Variants in ABCG2 observed in about 807,000 individuals in gnomAD.
ABCG2 encodes the protein broad substrate specificity ATP-binding cassette transporter ABCG2.
In ABCG2, 80 loss-of-function variants were observed where a neutral mutation model predicts 73.5. That is an observed-to-expected ratio of 1.09 (90% CI 0.91 to 1.31). ABCG2 has a LOEUF of 1.31. Ranked by LOEUF, ABCG2 falls within the 50% of genes most tolerant of loss-of-function variation. The pLI is 0.00. For missense variants in ABCG2, 796 were observed against 786.2 expected (o/e 1.01, Z -0.15); for synonymous variants, 269 against 282.4 (o/e 0.95, Z 0.48).
intron 7 of ABCG2, 66 bp downstream of exon 7, chr4:88,118,043 C>A: frequency 2.0e-6 from 3 of 1,501,412 alleles, no homozygotes; most frequent in Non-Finnish European, 2.7e-6. Context: ...CTCCTGCAGA[C>A]CCCCTTTGCT....
Position 88,126,881 on chromosome 4 carries a change from C to G in ABCG2, c.531+4180G>C, listed in dbSNP as rs146997590. 7.2e-3 allele frequency among the ~76,000 whole-genome samples: 1,098 copies of G among 152,266 alleles called. 6 individuals carry two copies. The highest frequency in any genetic ancestry group is 0.012 in the Non-Finnish European group (828 of 68,010). On this transcript the variant is annotated intron_variant, in intron 5 of 15. Coordinates refer to ENST00000237612, the MANE Select transcript of ABCG2 (RefSeq NM_004827.3). ...AAAACCGGCACAAGACAAGGACGCA[C>G]TCTCTCACCACTCCTATTCAACATA...
chr4:88,150,918 T>C (rs1418575422), intron 1 of ABCG2, among the ~76,000 whole-genome samples: 1 of 152,184 alleles, frequency 6.6e-6, no homozygotes, highest in Non-Finnish European at 1.5e-5. Context: ...CTATTATCTG[T>C]GCATGTTCTG....
intron 8 of ABCG2, among the ~76,000 whole-genome samples, chr4:88,114,642 A>G (rs1723399800): frequency 6.6e-6 from 1 of 152,074 alleles, no homozygotes; most frequent in African/African-American, 2.4e-5. Flanking sequence ...AAAAAAAAAA[A>G]AATCTGGTTG....
intron 1 of ABCG2, among the ~76,000 whole-genome samples, chr4:88,230,256 A>T (rs1361939405): frequency 3.7e-5 from 5 of 136,900 alleles, no homozygotes; most frequent in African/African-American, 5.6e-5. Flanking sequence ...GTCTCCCAAA[A>T]TGCTGGGATT....
intron 5 of ABCG2, among the ~76,000 whole-genome samples, chr4:88,124,679 A>G (rs1021157784): frequency 5.3e-5 from 8 of 152,230 alleles, no homozygotes; most frequent in Non-Finnish European, 1.0e-4. Context: ...TTAGAGACCT[A>G]CAAGGAGACT....
chr4:88,094,775 T>A (rs954665336), intron 14 of ABCG2, 116 bp from the exon 15 acceptor site: 6 of 806,602 alleles, frequency 7.4e-6, no homozygotes, highest in Non-Finnish European at 1.2e-5. Flanking sequence ...TCTAAAAACA[T>A]ATTCACAGTC....
intron 5 of ABCG2, among the ~76,000 whole-genome samples, chr4:88,123,030 C>T (rs1480484337): frequency 3.3e-5 from 5 of 152,206 alleles, no homozygotes; most frequent in Non-Finnish European, 5.9e-5. Flanking sequence ...GATACCCAGG[C>T]AAACAGGGTC....
chr4:88,122,278 TC>T (rs1259191722), intron 5 of ABCG2, among the ~76,000 whole-genome samples: 1 of 152,050 alleles, frequency 6.6e-6, no homozygotes, highest in African/African-American at 2.4e-5. Flanking sequence ...AGTTTTTTTT[TC>T]ATACCCCAGT....
At chr4:88,177,225 A>T (rs1175942135) in intron 1 of ABCG2, among the ~76,000 whole-genome samples, 2 of 146,902 alleles carry the variant, frequency 1.4e-5, no homozygotes, top group African/African-American at 5.2e-5. Flanking sequence ...ACAAAAAAAA[A>T]TTAGCCAGCA....
At chr4:88,115,284 A>ATATT (rs58774529) in intron 7 of ABCG2, among the ~76,000 whole-genome samples, 3,054 of 72,402 alleles carry the variant, frequency 0.042, 280 homozygotes, top group East Asian at 0.064. Context: ...ATATATATAT[A>ATATT]ATTTATTTAT....
intron 1 of ABCG2, among the ~76,000 whole-genome samples, chr4:88,185,014 C>A (rs1410988583): frequency 2.0e-5 from 3 of 152,134 alleles, no homozygotes; most frequent in Non-Finnish European, 4.4e-5. Context: ...TGAATCTAGA[C>A]CCCTATCTCT....
At chr4:88,199,348 C>T (rs1729062133) in intron 1 of ABCG2, among the ~76,000 whole-genome samples, 1 of 152,054 alleles carries the variant, frequency 6.6e-6, no homozygotes, top group Admixed American at 6.6e-5. Context: ...ATTCAGGAAA[C>T]TCGAAGAATA....
chr4:88,156,390 A>G (rs866546783), intron 1 of ABCG2, among the ~76,000 whole-genome samples: 1 of 151,546 alleles, frequency 6.6e-6, no homozygotes, highest in African/African-American at 2.4e-5. Context: ...AAAAAAAAAA[A>G]AAGAAGGAAA....
chr4:88,230,307 AT>A lies in ABCG2; in HGVS notation c.-20+686del, dbSNP rs70959615. ...CCGCACCTGTTATATATATATATAT[AT>A]TTTTTTTTTTGGCCACATATATATA... On this transcript the variant is annotated intron_variant, in intron 1 of 15. Coordinates refer to the ABCG2 transcript ENST00000515655. Among the ~76,000 whole-genome samples the A allele has an allele frequency of 2.7e-3, 139 of 51,344 alleles. 10 individuals are homozygous for A. The East Asian group carries it at 0.044, about 16-fold the overall frequency. 33.7% of individuals were successfully genotyped at this position (51,344 alleles called of 152,430 possible). A position where few individuals can be genotyped will look rare whatever the true frequency, so the allele number is the denominator to read the frequency against.
Position 88,131,227 on chromosome 4 carries a change from G to A in ABCG2, c.379-14C>T, listed in dbSNP as rs1487682597. The A allele has an allele frequency of 6.2e-7, 1 of 1,612,566 alleles. No individual in the cohort carries two copies. The highest frequency in any genetic ancestry group is 8.5e-7 in the Non-Finnish European group (1 of 1,179,146). On this transcript the variant is annotated splice_polypyrimidine_tract_variant and intron_variant, in intron 4 of 15. Transcript: ENST00000237612. ...CACAACATCATCCTTAAGGCAAATA[G>A]CATTTTAATGAGACATAATGATAAT...
intron 15 of ABCG2, among the ~76,000 whole-genome samples, chr4:88,092,967 C>T (rs185680451): frequency 4.6e-5 from 7 of 152,244 alleles, no homozygotes; most frequent in African/African-American, 1.7e-4. Flanking sequence ...AGCTCTTGCA[C>T]CAAGACTGTG....
intron 1 of ABCG2, among the ~76,000 whole-genome samples, chr4:88,186,690 C>T (rs895640922): frequency 6.6e-6 from 1 of 151,280 alleles, no homozygotes; most frequent in African/African-American, 2.4e-5. Flanking sequence ...GAGGCCGAGG[C>T]GGGCGGATCA....
chr4:88,133,541 C>T lies in ABCG2; in HGVS notation c.204-906G>A, dbSNP rs554488443. Among the ~76,000 whole-genome samples, 13 of 152,222 alleles carry T rather than the reference C, an allele frequency of 8.5e-5. No individual in the cohort carries two copies. In the South Asian group the frequency reaches 2.5e-3, roughly 29 times the overall value. ...TGAAGACGTGGTACATACATAAGCA[C>T]GTTTCAAACAAAGTGGATGTCTGAG... On this transcript the variant is annotated intron_variant, in intron 2 of 15. Coordinates refer to ENST00000237612, the MANE Select transcript of ABCG2 (RefSeq NM_004827.3).
intron 1 of ABCG2, among the ~76,000 whole-genome samples, chr4:88,218,508 C>A (rs1189569586): frequency 6.6e-6 from 1 of 152,078 alleles, no homozygotes; most frequent in Non-Finnish European, 1.5e-5. Context: ...TGAGTAAGTA[C>A]TTTGGTGGTG....
Sources: gnomAD v4.1 joint callset for allele counts (sites outside exome capture counted in the v4.1 genomes callset) on GRCh38, gnomAD v4.1.1 for gene constraint, MANE v1.5 for transcripts, NCBI Gene and HGNC (gene_info 2026-07-23, HGNC 2026-07-21) for gene names.